Variants in FAM149B1 observed in about 807,000 individuals in gnomAD.
FAM149B1 encodes primary cilium assembly protein FAM149B1.
A neutral mutation model predicts 75.3 loss-of-function variants in FAM149B1; 56 were observed. The observed-to-expected ratio is 0.74, with a 90% CI of 0.60 to 0.93. The LOEUF is 0.93. Among genes scored for constraint, FAM149B1 ranks in the 40% least tolerant of loss-of-function variants. The pLI is 0.00. For synonymous variants in FAM149B1, 259 were observed against 256.1 expected, an observed-to-expected ratio of 1.01 and a Z score of -0.11; for missense variants, 639 against 708.4, an observed-to-expected ratio of 0.90 and a Z score of 1.11.
intron 8 of FAM149B1, 75 bp from the exon 9 acceptor site, chr10:73,230,347 C>A: frequency 1.3e-6 from 1 of 790,490 alleles, no homozygotes; most frequent in Non-Finnish European, 2.2e-6. Context: ...GAAATATTAA[C>A]TTTTGGCAAA....
chr10:73,235,003 G>T, intron 11 of FAM149B1, 63 bp downstream of exon 11: 2 of 1,529,212 alleles, frequency 1.3e-6, no homozygotes, highest in South Asian at 1.2e-5. Flanking sequence ...CAGTAATTCT[G>T]CAGGATCTGT....
At chr10:73,193,354 A>G in intron 4 of FAM149B1, 123 bp from the exon 5 acceptor site, 7 of 777,454 alleles carry the variant, frequency 9.0e-6, no homozygotes, top group Non-Finnish European at 1.2e-5. Context: ...CTCATTCTTA[A>G]TCAGTATCAG....
chr10:73,207,145 T>C (rs1333042746), intron 5 of FAM149B1, among the ~76,000 whole-genome samples: 1 of 151,950 alleles, frequency 6.6e-6, no homozygotes, highest in East Asian at 1.9e-4. Flanking sequence ...AGAGAAGAAA[T>C]AGGGGGTTGG....
chr10:73,229,250 GA>G (rs928469321), intron 8 of FAM149B1, among the ~76,000 whole-genome samples: 7 of 147,810 alleles, frequency 4.7e-5, no homozygotes, highest in South Asian at 4.3e-4. Flanking sequence ...TTTTAAGGTG[GA>G]AAAAAAAAAC....
At position 73,242,260 on chromosome 10, in the gene FAM149B1, G is replaced by A; in HGVS notation, c.*1241G>A. Reference sequence around the variant, plus strand: ...CTTTATGCATACGGTATATTTAATAGTCTACAAATCAAAGATTTAAACAGT... The same window carrying A: ...CTTTATGCATACGGTATATTTAATAATCTACAAATCAAAGATTTAAACAGT... On this transcript the variant is annotated 3_prime_UTR_variant, in exon 14 of 14. Transcript: ENST00000242505. The A allele has an allele frequency of 6.6e-6, 1 of 152,070 alleles. No individual in the cohort carries two copies. Among genetic ancestry groups the A allele is most frequent in the East Asian group, 1.9e-4 (1 of 5,198 alleles). The allele number at this position is 152,070 out of a possible 1,614,324, so 9.4% of individuals were successfully genotyped here. A position where few individuals can be genotyped will look rare whatever the true frequency, so the allele number is the denominator to read the frequency against.
In FAM149B1 at chr10:73,233,143, A is replaced by C. The variant is rs926129957; in HGVS notation, c.1332A>C (p.Glu444Asp). ...CTGAAACACCAAGATCTGTGGAAGAAATCCTCAGAGGAGCCCGAGTGTAGG... is the reference window on the plus strand; with the variant it reads ...CTGAAACACCAAGATCTGTGGAAGACATCCTCAGAGGAGCCCGAGTGTAGG... ...SCAETPRSVEEILRGARVPVA... is the reference protein window; with the variant it reads ...SCAETPRSVEDILRGARVPVA... Residue 444 changes from glutamate (E) to aspartate (D), a missense_variant, in exon 10 of 14, where the codon GAA becomes GAC. Physicochemically the swap from Glu to Asp is conservative, Grantham distance 45 (BLOSUM62 2). Transcript: ENST00000242505. The C allele has an allele frequency of 1.9e-6, 3 of 1,551,370 alleles. No individual in the cohort carries two copies. The African/African-American group carries it at 4.1e-5, about 21-fold the overall frequency.
intron 7 of FAM149B1, among the ~76,000 whole-genome samples, chr10:73,224,104 A>C (rs2043479002): frequency 6.6e-6 from 1 of 152,174 alleles, no homozygotes; most frequent in African/African-American, 2.4e-5. Flanking sequence ...GAGCTGGAGG[A>C]TCTCTAATTG....
chr10:73,235,171 G>C lies in FAM149B1; in HGVS notation c.1477-22G>C, dbSNP rs962681996. ...ATTACAGATAGTTTTCACTGTTTCT[G>C]TAACTTTTGTCTCCTCTGCAGAAAC... On this transcript the variant is annotated intron_variant, in intron 11 of 13. Coordinates refer to ENST00000242505, the MANE Select transcript of FAM149B1 (RefSeq NM_173348.2). 25 of 1,550,864 alleles carry C rather than the reference G, an allele frequency of 1.6e-5. No individual in the cohort carries two copies. The African/African-American group carries it at 2.5e-4, about 15-fold the overall frequency.
chr10:73,207,174 C>T (rs2043083915), intron 5 of FAM149B1, among the ~76,000 whole-genome samples: 2 of 152,164 alleles, frequency 1.3e-5, no homozygotes, highest in African/African-American at 4.8e-5. Context: ...CACACAATTC[C>T]CACTGGGGCA....
At chr10:73,194,251 A>C (rs1477531566) in intron 5 of FAM149B1, among the ~76,000 whole-genome samples, 1 of 152,136 alleles carries the variant, frequency 6.6e-6, no homozygotes, top group Non-Finnish European at 1.5e-5. Flanking sequence ...ATATATCTAT[A>C]TATATTTACA....
chr10:73,206,662 C>T (rs1246562268), intron 5 of FAM149B1, among the ~76,000 whole-genome samples: 1 of 152,182 alleles, frequency 6.6e-6, no homozygotes, highest in Middle Eastern at 3.2e-3. Flanking sequence ...TGCTGGGGCT[C>T]AGCGGGGCCC....
Position 73,243,944 on chromosome 10 carries a change from C to A in FAM149B1, c.*2925C>A, listed in dbSNP as rs1445550893. 2 of 1,610,748 alleles carry A rather than the reference C, an allele frequency of 1.2e-6. No homozygotes were observed. Among genetic ancestry groups the A allele is most frequent in the Admixed American group, 1.7e-5 (1 of 59,560 alleles). On this transcript the variant is annotated 3_prime_UTR_variant, in exon 14 of 14. Transcript: ENST00000242505. ...TCTTCCTGAGCCTGAAACAGGAACT[C>A]ACATGAGACTCAGGGCCACCAGGAA... is the stretch of plus-strand genomic sequence containing the variant.
intron 10 of FAM149B1, 86 bp from the exon 11 acceptor site, chr10:73,234,731 T>C: frequency 7.1e-7 from 1 of 1,418,136 alleles, no homozygotes; most frequent in Non-Finnish European, 9.6e-7. Flanking sequence ...ACTCATCTGC[T>C]TCATTTATCT....
In FAM149B1 at chr10:73,177,902, TG is replaced by T. The variant is rs1844042957; in HGVS notation, c.210del (p.Ser71LeufsTer50). On this transcript the variant is annotated frameshift_variant, in exon 3 of 14. Transcript: ENST00000242505. LOFTEE classifies it high-confidence loss of function. ...SFTSADTGNS[L>X]SAFPSYTGAG... ...ACATCAGCCGACACTGGGAATTCAC[TG>T]TCTGCTTTTCCAAGTTATACAGGCG... is the stretch of plus-strand genomic sequence containing the variant. The T allele has an allele frequency of 2.6e-6, 4 of 1,551,730 alleles. No homozygotes were observed. In the East Asian group the frequency reaches 9.8e-5, roughly 38 times the overall value.
At chr10:73,209,371 C>G (rs1350889920) in intron 6 of FAM149B1, among the ~76,000 whole-genome samples, 1 of 152,064 alleles carries the variant, frequency 6.6e-6, no homozygotes, top group Non-Finnish European at 1.5e-5. Flanking sequence ...TCGCTTGAAC[C>G]CGGGAGGCGG....
intron 1 of FAM149B1, among the ~76,000 whole-genome samples, chr10:73,173,998 A>G (rs538044036): frequency 6.6e-6 from 1 of 152,328 alleles, no homozygotes; most frequent in South Asian, 2.1e-4. Flanking sequence ...AAGTTGTTGC[A>G]TGTATCAATA....
intron 3 of FAM149B1, among the ~76,000 whole-genome samples, chr10:73,188,740 A>G (rs1222646224): frequency 5.8e-4 from 82 of 141,058 alleles, no homozygotes; most frequent in African/African-American, 2.1e-3. Context: ...AAAGAAAAAA[A>G]AAAAGGAAGG....
chr10:73,228,128 C>T lies in FAM149B1; in HGVS notation c.967C>T (p.Pro323Ser). 1 of 1,551,234 alleles carries T rather than the reference C, an allele frequency of 6.4e-7. No homozygotes were observed. The change falls in exon 8 of 14, where the codon CCT becomes TCT. Residue 323 changes from proline to serine, a missense_variant. Physicochemically the swap from Pro to Ser is moderately conservative, Grantham distance 74. Coordinates refer to ENST00000242505, the MANE Select transcript of FAM149B1 (RefSeq NM_173348.2). ...TTCCTGTGTGCTGAGTGAACTACAT[C>T]CTTTGGTGTTACCGCGAGTGCCACA... ...ESSCVLSELHPLVLPRVPQSK... is the reference protein window; with the variant it reads ...ESSCVLSELHSLVLPRVPQSK...
At chr10:73,205,694 C>G (rs564767602) in intron 5 of FAM149B1, among the ~76,000 whole-genome samples, 2 of 152,202 alleles carry the variant, frequency 1.3e-5, no homozygotes, top group African/African-American at 2.4e-5. Flanking sequence ...GCTGGGACTA[C>G]AGGTGTGCAC....
Sources: allele counts gnomAD v4.1 joint callset (sites outside exome capture counted in the v4.1 genomes callset), GRCh38; gene constraint gnomAD v4.1.1; transcripts MANE v1.5; gene names NCBI Gene and HGNC (gene_info 2026-07-23, HGNC 2026-07-21).